Variants in XDH observed in about 807,000 individuals in gnomAD.
XDH encodes xanthine dehydrogenase/oxidase.
In XDH, 138 loss-of-function variants were observed where a neutral mutation model predicts 156.1. The observed-to-expected ratio is 0.88, with a 90% CI of 0.77 to 1.02. The LOEUF (loss-of-function observed/expected upper bound fraction) is 1.02, where lower values mean the gene tolerates loss of function less well. XDH is among the 50% of genes least tolerant of loss of function. XDH has a pLI of 0.00. For synonymous variants in XDH, 669 were observed against 625.7 expected, an observed-to-expected ratio of 1.07 and a Z score of -1.03; for missense variants, 1,849 against 1,684.9, an observed-to-expected ratio of 1.10 and a Z score of -1.71.
chr2:31,369,317 A>T (rs548016202), intron 18 of XDH, among the ~76,000 whole-genome samples: 3 of 152,272 alleles, frequency 2.0e-5, no homozygotes, highest in African/African-American at 7.2e-5. Context: ...GACCCATAAA[A>T]ATATTTTTAA....
At chr2:31,386,347 G>A (rs1686592339) in intron 9 of XDH, 67 bp downstream of exon 9, 2 of 1,595,262 alleles carry the variant, frequency 1.3e-6, no homozygotes, top group Non-Finnish European at 8.5e-7. Context: ...AGGTGAGGAT[G>A]GGCAAGAGGA....
intron 23 of XDH, among the ~76,000 whole-genome samples, chr2:31,364,650 A>G (rs1022253647): frequency 6.6e-6 from 1 of 152,222 alleles, no homozygotes; most frequent in African/African-American, 2.4e-5. Context: ...AGACACAAAA[A>G]GTTTCATTTC....
chr2:31,363,739 T>C (rs1685836607), intron 24 of XDH, among the ~76,000 whole-genome samples: 1 of 152,224 alleles, frequency 6.6e-6, no homozygotes, highest in East Asian at 1.9e-4. Flanking sequence ...CCAATCGTTG[T>C]TAACAATTTG....
intron 34 of XDH, 64 bp from the exon 35 acceptor site, chr2:31,337,881 T>A: frequency 6.3e-7 from 1 of 1,574,944 alleles, no homozygotes; most frequent in Non-Finnish European, 8.6e-7. Context: ...CATCATCAAG[T>A]GGACCTAGGA....
At position 31,383,062 on chromosome 2, in the gene XDH, A is replaced by G. The variant is rs761592093; in HGVS notation, c.977T>C (p.Val326Ala). ...CAGCTGCTCCAGGACCCCTCTGAAC[A>G]CCTCTGTCTTTTGGGCAGGAAGCTT... ...VAKLPAQKTE[V>A]FRGVLEQLRW... Residue 326 changes from valine to alanine, a missense_variant, in exon 11 of 36, where the codon GTG (valine) becomes GCG (alanine). Coordinates refer to ENST00000379416, the MANE Select transcript of XDH (RefSeq NM_000379.4). 8.7e-6 allele frequency: 14 copies of G among 1,613,800 alleles called. No homozygotes were observed. The highest frequency in any genetic ancestry group is 1.1e-5 in the Non-Finnish European group (13 of 1,179,970).
chr2:31,386,978 G>A (rs1303578514), intron 8 of XDH, among the ~76,000 whole-genome samples: 2 of 102,246 alleles, frequency 2.0e-5, no homozygotes, highest in African/African-American at 7.5e-5. Context: ...GAGGGAGGGA[G>A]GGAGGGAAGA....
intron 25 of XDH, 58 bp downstream of exon 25, chr2:31,349,974 G>T (rs912173190): frequency 1.2e-6 from 2 of 1,611,878 alleles, no homozygotes; most frequent in Non-Finnish European, 1.7e-6. Context: ...ATACAAAGCC[G>T]CTGTCCCCCG....
At chr2:31,352,005 A>G (rs943779851) in intron 24 of XDH, among the ~76,000 whole-genome samples, 3 of 152,192 alleles carry the variant, frequency 2.0e-5, no homozygotes, top group African/African-American at 7.2e-5. Context: ...TGGTTATTAT[A>G]TGGGCTGTTT....
Position 31,386,570 on chromosome 2 carries a change from T to C in XDH, c.652-15A>G, listed in dbSNP as rs1161169367. On this transcript the variant is annotated splice_polypyrimidine_tract_variant and intron_variant, in intron 8 of 35. Transcript: ENST00000379416. ...TCTTTCAGCCTCTGGGAAATGCAGT[T>C]TTCTTACTACACTGTCTCCCTCTTC... The C allele has an allele frequency of 6.2e-7, 1 of 1,614,008 alleles. No homozygotes were observed. The highest frequency in any genetic ancestry group is 1.7e-5 in the Admixed American group (1 of 60,004).
Position 31,364,138 on chromosome 2 carries a change from C to T in XDH, c.2631+20G>A, listed in dbSNP as rs370658508. The T allele has an allele frequency of 6.7e-5, 108 of 1,612,534 alleles. No homozygotes were observed. The highest frequency in any genetic ancestry group is 2.2e-4 in the Admixed American group (13 of 60,016). The stretch of plus-strand genomic sequence containing the variant: ...TCGAAGTCAGCTCTGGGTGCAGGGG[C>T]GGCTGCAGGTCCTACTCACACTCTG... On this transcript the variant is annotated intron_variant, in intron 24 of 35. Transcript: ENST00000379416.
intron 24 of XDH, among the ~76,000 whole-genome samples, chr2:31,362,391 G>A (rs1323513080): frequency 6.6e-6 from 1 of 152,162 alleles, no homozygotes; most frequent in Non-Finnish European, 1.5e-5. Context: ...AACTACTTGT[G>A]AGAGGAGCTC....
chr2:31,400,994 G>A (rs1687043044), intron 4 of XDH, among the ~76,000 whole-genome samples: 1 of 152,232 alleles, frequency 6.6e-6, no homozygotes, highest in African/African-American at 2.4e-5. Flanking sequence ...ATCATGCAAT[G>A]TTATAACCAA....
chr2:31,379,831 T>C, intron 13 of XDH, 36 bp downstream of exon 13: 7 of 1,601,332 alleles, frequency 4.4e-6, no homozygotes, highest in Admixed American at 1.7e-5. Context: ...ATAGGACTTA[T>C]TTGAGCAGAG....
rs745481607 is a variant in XDH, at chr2:31,379,961, A to G, written c.1148T>C (p.Val383Ala). Residue 383 changes from valine to alanine, a missense_variant, in exon 13 of 36, where the codon GTC becomes GCC. Val to Ala is a moderately conservative substitution (Grantham distance 64). Transcript: ENST00000379416. The stretch of plus-strand genomic sequence containing the variant: ...AGGGAAGAAGGTGTGGTCCATCTGG[A>G]CAGTTCTCCTGGTGCCTGTACAGAA... ...TLVSRGTRRT[V>A]QMDHTFFPGY... 3.3e-5 allele frequency: 53 copies of G among 1,613,902 alleles called. 1 individual carries two copies. The highest frequency in any genetic ancestry group is 4.3e-5 in the Non-Finnish European group (51 of 1,180,024).
At chr2:31,402,849 G>A (rs984417869) in intron 3 of XDH, among the ~76,000 whole-genome samples, 199 bp downstream of exon 3, 6 of 152,128 alleles carry the variant, frequency 3.9e-5, no homozygotes, top group African/African-American at 1.2e-4. Context: ...TCAGCAGTTC[G>A]GAGCCTGGTC....
At chr2:31,366,781 C>T (rs1685925006) in intron 21 of XDH, 89 bp downstream of exon 21, 2 of 1,605,486 alleles carry the variant, frequency 1.2e-6, no homozygotes, top group East Asian at 2.2e-5. Context: ...CCACATCTCC[C>T]TCTTCCTATT....
At chr2:31,370,610 C>G in intron 17 of XDH, 132 bp from the exon 18 acceptor site, 2 of 1,210,666 alleles carry the variant, frequency 1.7e-6, no homozygotes, top group Non-Finnish European at 2.4e-6. Context: ...TGCTTCTTTT[C>G]TATTAGATTC....
chr2:31,383,599 G>T (rs1686501173), intron 10 of XDH, among the ~76,000 whole-genome samples, 156 bp downstream of exon 10: 1 of 152,022 alleles, frequency 6.6e-6, no homozygotes, highest in African/African-American at 2.4e-5. Context: ...CAATGAATGG[G>T]GTCTCCTCCC....
chr2:31,393,295 T>C (rs1396385346), intron 6 of XDH, among the ~76,000 whole-genome samples: 3 of 152,260 alleles, frequency 2.0e-5, no homozygotes, highest in Non-Finnish European at 2.9e-5. Flanking sequence ...ATTTGCCTCA[T>C]GTATTTTGAA....
Sources: gnomAD v4.1 joint callset for allele counts (sites outside exome capture counted in the v4.1 genomes callset) on GRCh38, gnomAD v4.1.1 for gene constraint, MANE v1.5 for transcripts, NCBI Gene and HGNC (gene_info 2026-07-23, HGNC 2026-07-21) for gene names.